The following GAS7 variants were observed in gnomAD, a reference collection of about 807,000 sequenced individuals.
GAS7 encodes growth arrest specific 7.
A neutral mutation model predicts 71.1 loss-of-function variants in GAS7; 28 were observed. That is an observed-to-expected ratio of 0.39 (90% CI 0.29 to 0.54). The LOEUF is 0.54. Ranked by LOEUF, GAS7 falls within the 20% of genes least tolerant of loss-of-function variation. The probability of loss-of-function intolerance (pLI) is 0.62; values close to 1 mark genes in which losing one functional copy is unlikely to be tolerated. For synonymous variants in GAS7, 258 were observed against 245.8 expected, an observed-to-expected ratio of 1.05 and a Z score of -0.46; for missense variants, 436 against 627.8, an observed-to-expected ratio of 0.69 and a Z score of 3.27.
At chr17:9,921,755 C>T (rs373307733) in intron 11 of GAS7, among the ~76,000 whole-genome samples, 2 of 151,940 alleles carry the variant, frequency 1.3e-5, no homozygotes, top group African/African-American at 4.8e-5. Flanking sequence ...GTCAGGACAT[C>T]GAGACCATCC....
chr17:9,957,843 C>T (rs11078825), intron 5 of GAS7, among the ~76,000 whole-genome samples: 71,951 of 151,868 alleles, frequency 0.47, 18,033 homozygotes, highest in Non-Finnish European at 0.57. Context: ...GCACAGGGCA[C>T]TCCAAAGGAG....
chr17:10,060,491 T>C (rs1030715157), intron 1 of GAS7, among the ~76,000 whole-genome samples: 2 of 152,130 alleles, frequency 1.3e-5, no homozygotes, highest in Non-Finnish European at 1.5e-5. Context: ...GTCTGGCACA[T>C]GGAATAACCC....
At chr17:10,022,579 C>G (rs942198076) in intron 1 of GAS7, among the ~76,000 whole-genome samples, 4 of 152,196 alleles carry the variant, frequency 2.6e-5, no homozygotes, top group Non-Finnish European at 5.9e-5. Flanking sequence ...TACTGACTCA[C>G]CAGGCTATTC....
chr17:9,996,036 C>G (rs551050960), intron 2 of GAS7, among the ~76,000 whole-genome samples: 1 of 152,324 alleles, frequency 6.6e-6, no homozygotes, highest in African/African-American at 2.4e-5. Flanking sequence ...CGAAAGAATA[C>G]ACATGAAGCA....
chr17:10,162,868 A>C (rs946413018), intron 1 of GAS7, among the ~76,000 whole-genome samples: 1 of 152,242 alleles, frequency 6.6e-6, no homozygotes. Flanking sequence ...GTGACTGTTT[A>C]CTGGGTTCAG....
chr17:9,941,342 C>A (rs768296862), intron 7 of GAS7, among the ~76,000 whole-genome samples: 3 of 152,200 alleles, frequency 2.0e-5, no homozygotes, highest in African/African-American at 4.8e-5. Flanking sequence ...ATCCATGCCA[C>A]GCTCCCGGCT....
chr17:9,917,364 G>C, intron 13 of GAS7, 23 bp from the exon 14 acceptor site: 1 of 1,532,178 alleles, frequency 6.5e-7, no homozygotes, highest in Non-Finnish European at 9.0e-7. Context: ...GAGAAAATGC[G>C]ACACTGTTAG....
intron 1 of GAS7, among the ~76,000 whole-genome samples, chr17:10,067,778 T>G (rs2073297676): frequency 6.6e-6 from 1 of 152,212 alleles, no homozygotes; most frequent in South Asian, 2.1e-4. Context: ...CAGCCCTGGT[T>G]CAGGGTGGGC....
intron 1 of GAS7, among the ~76,000 whole-genome samples, chr17:10,080,953 A>G (rs530507681): frequency 3.3e-5 from 5 of 152,400 alleles, no homozygotes; most frequent in African/African-American, 1.2e-4. Flanking sequence ...AAAGGTGGTC[A>G]TCAAATCAGC....
chr17:10,167,949 T>G (rs1290407099), intron 1 of GAS7, among the ~76,000 whole-genome samples: 1 of 152,136 alleles, frequency 6.6e-6, no homozygotes, highest in Non-Finnish European at 1.5e-5. Flanking sequence ...CCTGCCCACC[T>G]CAGCCTCCCA....
chr17:10,111,164 G>A (rs1008802322), intron 1 of GAS7, among the ~76,000 whole-genome samples: 2 of 152,148 alleles, frequency 1.3e-5, no homozygotes, highest in Non-Finnish European at 2.9e-5. Flanking sequence ...AGTTTGGGAG[G>A]CTGAGATGGG....
chr17:9,932,346 CA>C (rs1042835916), intron 9 of GAS7, among the ~76,000 whole-genome samples: 4 of 152,132 alleles, frequency 2.6e-5, no homozygotes, highest in Non-Finnish European at 5.9e-5. Context: ...AGGCATGCGC[CA>C]CCAAGCCCAG....
intron 5 of GAS7, among the ~76,000 whole-genome samples, chr17:9,957,705 ACCTGAG>A (rs1179954099): frequency 2.0e-5 from 3 of 151,110 alleles, no homozygotes; most frequent in Non-Finnish European, 2.9e-5. Context: ...GGAACTCTGC[ACCTGAG>A]CCTGCCCACA....
At chr17:10,101,571 C>G (rs1567591782) in intron 1 of GAS7, among the ~76,000 whole-genome samples, 2 of 152,232 alleles carry the variant, frequency 1.3e-5, no homozygotes, top group Non-Finnish European at 2.9e-5. Flanking sequence ...GCGGTACCTA[C>G]AGCCACACGC....
At chr17:10,168,952 A>G (rs1302762504) in intron 1 of GAS7, among the ~76,000 whole-genome samples, 1 of 146,884 alleles carries the variant, frequency 6.8e-6, no homozygotes, top group Non-Finnish European at 1.5e-5. Flanking sequence ...CGTGGGCGAC[A>G]GAGTGAGACT....
chr17:10,005,082 CGT>C (rs956477486), intron 2 of GAS7, among the ~76,000 whole-genome samples: 75 of 148,238 alleles, frequency 5.1e-4, no homozygotes, highest in Middle Eastern at 3.6e-3. Flanking sequence ...CGCATACATG[CGT>C]GTGTGCACGC....
intron 1 of GAS7, among the ~76,000 whole-genome samples, chr17:10,024,520 G>A (rs916558549): frequency 3.9e-5 from 6 of 152,202 alleles, no homozygotes; most frequent in African/African-American, 7.2e-5. Flanking sequence ...GAGGTAGCAG[G>A]ATTTGGGGTG....
At chr17:10,005,082 C>G (rs112983434) in intron 2 of GAS7, among the ~76,000 whole-genome samples, 1 of 148,150 alleles carries the variant, frequency 6.7e-6, no homozygotes, top group African/African-American at 2.5e-5. Flanking sequence ...CGCATACATG[C>G]GTGTGTGCAC....
At chr17:10,024,268 A>G (rs999728399) in intron 1 of GAS7, among the ~76,000 whole-genome samples, 2 of 152,210 alleles carry the variant, frequency 1.3e-5, no homozygotes, top group African/African-American at 2.4e-5. Flanking sequence ...GAGGGGCAAG[A>G]GCAGCCGGCC....
Sources: gnomAD v4.1 joint callset for allele counts (sites outside exome capture counted in the v4.1 genomes callset) on GRCh38, gnomAD v4.1.1 for gene constraint, MANE v1.5 for transcripts, NCBI Gene and HGNC (gene_info 2026-07-23, HGNC 2026-07-21) for gene names.